Variants in N4BP2L1 observed in about 807,000 individuals in gnomAD.
The protein encoded by N4BP2L1 is NEDD4 binding protein 2 like 1.
In N4BP2L1, 12 loss-of-function variants were observed where a neutral mutation model predicts 21.2. The observed-to-expected ratio is 0.57, with a 90% CI of 0.36 to 0.92. The LOEUF (loss-of-function observed/expected upper bound fraction) is 0.92, where lower values mean the gene tolerates loss of function less well. N4BP2L1 is among the 40% of genes least tolerant of loss of function. N4BP2L1 has a pLI of 0.01. For synonymous variants in N4BP2L1, 104 were observed against 112.8 expected (o/e 0.92, Z 0.49); for missense variants, 259 against 310.6 (o/e 0.83, Z 1.25).
At chr13:32,422,450 G>GT (rs1444663249) in intron 1 of N4BP2L1, among the ~76,000 whole-genome samples, 1 of 152,188 alleles carries the variant, frequency 6.6e-6, no homozygotes, top group African/African-American at 2.4e-5. Context: ...CTCCAGGGGA[G>GT]TTCCTATACA....
intron 1 of N4BP2L1, among the ~76,000 whole-genome samples, chr13:32,416,201 G>T (rs149247331): frequency 2.8e-4 from 43 of 152,294 alleles, no homozygotes; most frequent in African/African-American, 1.0e-3. Context: ...TTTATTAAGT[G>T]CTTATTGTGT....
chr13:32,424,307 C>T lies in N4BP2L1; in HGVS notation c.179+3597G>A, dbSNP rs1020019676. 2.0e-5 allele frequency among the ~76,000 whole-genome samples: 3 copies of T among 152,296 alleles called. No individual in the cohort carries two copies. The South Asian group carries it at 6.2e-4, about 32-fold the overall frequency. On this transcript the variant is annotated intron_variant, in intron 1 of 4. Transcript: ENST00000380130. Reference sequence around the variant, plus strand: ...TGTTCCTTTTCCTTCGTTCAGCCACCTCCTTCCCATCTTCAAGGCCAGCTC... The same window carrying T: ...TGTTCCTTTTCCTTCGTTCAGCCACTTCCTTCCCATCTTCAAGGCCAGCTC...
At chr13:32,417,386 CT>C (rs2074208396) in intron 1 of N4BP2L1, among the ~76,000 whole-genome samples, 2 of 152,172 alleles carry the variant, frequency 1.3e-5, no homozygotes, top group African/African-American at 4.8e-5. Flanking sequence ...TTATAAGGGG[CT>C]TTTTCCCCTT....
At chr13:32,422,478 T>C (rs1411491861) in intron 1 of N4BP2L1, among the ~76,000 whole-genome samples, 1 of 152,194 alleles carries the variant, frequency 6.6e-6, no homozygotes, top group African/African-American at 2.4e-5. Context: ...AACTTTTCCT[T>C]TGAAAGTATT....
At chr13:32,407,612 G>A (rs1468414122) in intron 2 of N4BP2L1, 33 bp downstream of exon 2, 1 of 1,610,350 alleles carries the variant, frequency 6.2e-7, no homozygotes, top group Non-Finnish European at 8.5e-7. Context: ...TGCACATCAG[G>A]GTTTCCCAGG....
rs1339699835 is a variant in N4BP2L1, at chr13:32,421,562, C to T, written c.179+6342G>A. On this transcript the variant is annotated intron_variant, in intron 1 of 4. Transcript: ENST00000380130. Reference sequence around the variant, plus strand: ...TGTGTGACTCTCCAATCCTAAAATCCTCATCTATAAAATAAAAATGACTAC... The same window carrying T: ...TGTGTGACTCTCCAATCCTAAAATCTTCATCTATAAAATAAAAATGACTAC... Among the ~76,000 whole-genome samples, 3 of 152,110 alleles carry T rather than the reference C, an allele frequency of 2.0e-5. No homozygotes were observed. In the South Asian group the frequency reaches 6.2e-4, roughly 32 times the overall value.
At chr13:32,418,711 A>T (rs1042023707) in intron 1 of N4BP2L1, among the ~76,000 whole-genome samples, 10 of 152,256 alleles carry the variant, frequency 6.6e-5, no homozygotes, top group African/African-American at 2.4e-4. Flanking sequence ...GAGCTGCCCA[A>T]GGCCATGGGA....
intron 3 of N4BP2L1, among the ~76,000 whole-genome samples, chr13:32,405,115 A>G (rs1187955791): frequency 6.6e-6 from 1 of 152,198 alleles, no homozygotes; most frequent in African/African-American, 2.4e-5. Flanking sequence ...GGCGCTTCTC[A>G]ACTGGGAAGG....
intron 1 of N4BP2L1, among the ~76,000 whole-genome samples, chr13:32,412,697 T>G (rs1250811462): frequency 6.7e-6 from 1 of 149,810 alleles, no homozygotes; most frequent in Non-Finnish European, 1.5e-5. Flanking sequence ...ATTCCTAAAT[T>G]CTTTATCAAG....
At position 32,428,018 on chromosome 13, in the gene N4BP2L1, CGCTGCT is replaced by C. The variant is rs748884668; in HGVS notation, c.59_64del (p.Gln20_Gln21del). On this transcript the variant is annotated inframe_deletion, in exon 1 of 5. Coordinates refer to ENST00000380130, the MANE Select transcript of N4BP2L1 (RefSeq NM_052818.3). The stretch of plus-strand genomic sequence containing the variant: ...CGGGGGCGGCCGGGGCGGCCGCTGC[CGCTGCT>C]GCTGCTGCTGGGGCTGGAGGCTCAG... 23 of 1,559,260 alleles carry C rather than the reference CGCTGCT, an allele frequency of 1.5e-5. No homozygotes were observed. The highest frequency in any genetic ancestry group is 9.7e-5 in the Admixed American group (5 of 51,330).
intron 1 of N4BP2L1, among the ~76,000 whole-genome samples, chr13:32,415,303 C>T (rs1254375398): frequency 6.6e-6 from 1 of 152,160 alleles, no homozygotes; most frequent in South Asian, 2.1e-4. Context: ...GGGCACACTG[C>T]CACACCCAAC....
intron 3 of N4BP2L1, among the ~76,000 whole-genome samples, chr13:32,405,133 TAACAC>T (rs1441981227): frequency 1.3e-5 from 2 of 152,180 alleles, no homozygotes; most frequent in South Asian, 2.1e-4. Context: ...AGGATTTAAA[TAACAC>T]AACCGGAAAC....
chr13:32,418,983 T>C (rs1488972364), intron 1 of N4BP2L1, among the ~76,000 whole-genome samples: 4 of 152,162 alleles, frequency 2.6e-5, no homozygotes, highest in Admixed American at 6.5e-5. Flanking sequence ...AGATGAGACT[T>C]TGGACTTGGA....
At chr13:32,427,553 G>A (rs1270764451) in intron 1 of N4BP2L1, among the ~76,000 whole-genome samples, 1 of 152,232 alleles carries the variant, frequency 6.6e-6, no homozygotes, top group Non-Finnish European at 1.5e-5. Flanking sequence ...CCCAGGCGGG[G>A]CACGGCGGCG....
At chr13:32,405,895 T>C (rs972056443) in intron 3 of N4BP2L1, among the ~76,000 whole-genome samples, 14,588 of 67,076 alleles carry the variant, frequency 0.22, 1,520 homozygotes, top group East Asian at 0.49. Flanking sequence ...CTGCCCCCTT[T>C]TTTTTTTTTT....
rs1255787074 is a variant in N4BP2L1, at chr13:32,402,657, T to C, written c.*285A>G. Reference sequence around the variant, plus strand: ...ACACTTTATTTCATCTATGAACCTATGTAAATATATTCTTGGGTGTGTTCT... The same window carrying C: ...ACACTTTATTTCATCTATGAACCTACGTAAATATATTCTTGGGTGTGTTCT... On this transcript the variant is annotated 3_prime_UTR_variant, in exon 5 of 5. Coordinates refer to ENST00000380130, the MANE Select transcript of N4BP2L1 (RefSeq NM_052818.3). 8 of 1,171,776 alleles carry C rather than the reference T, an allele frequency of 6.8e-6. No individual in the cohort carries two copies. Among genetic ancestry groups the C allele is most frequent in the Admixed American group, 4.2e-5 (1 of 23,948 alleles). The allele number at this position is 1,171,776 out of a possible 1,614,324, so 72.6% of individuals were successfully genotyped here.
In N4BP2L1 at chr13:32,402,364, C is replaced by A. The variant is rs888233622; in HGVS notation, c.*578G>T. On this transcript the variant is annotated 3_prime_UTR_variant, in exon 5 of 5. Transcript: ENST00000380130. ...CATCATTAAAATAAAGAAATAACTTCCCAAAGTGTCTACTTTGAAGGACAA... is the reference window on the plus strand; with the variant it reads ...CATCATTAAAATAAAGAAATAACTTACCAAAGTGTCTACTTTGAAGGACAA... 1.1e-5 allele frequency: 7 copies of A among 651,290 alleles called. No individual in the cohort carries two copies. In the Admixed American group the frequency reaches 3.2e-4, roughly 29 times the overall value. 40.3% of individuals were successfully genotyped at this position (651,290 alleles called of 1,614,324 possible).
chr13:32,402,636 T>C lies in N4BP2L1; in HGVS notation c.*306A>G, dbSNP rs1244273460. 17 of 1,095,828 alleles carry C rather than the reference T, an allele frequency of 1.6e-5. 1 individual carries two copies. The Admixed American group carries it at 1.8e-4, about 12-fold the overall frequency. The allele number at this position is 1,095,828 out of a possible 1,614,324, so 67.9% of individuals were successfully genotyped here. On this transcript the variant is annotated 3_prime_UTR_variant, in exon 5 of 5. Transcript: ENST00000380130. ...TGAAGCTTATATATAATATAAACAC[T>C]TTATTTCATCTATGAACCTATGTAA...
At chr13:32,416,055 T>G (rs2074120771) in intron 1 of N4BP2L1, 1 of 152,252 alleles carries the variant, frequency 6.6e-6, no homozygotes, top group Non-Finnish European at 1.5e-5. Context: ...AAACACTCAA[T>G]AAATACTTGT....
Sources: allele counts gnomAD v4.1 joint callset (sites outside exome capture counted in the v4.1 genomes callset), GRCh38; gene constraint gnomAD v4.1.1; transcripts MANE v1.5; gene names NCBI Gene and HGNC (gene_info 2026-07-23, HGNC 2026-07-21).